Variants in LCP1 observed in about 807,000 individuals in gnomAD.
The protein encoded by LCP1 is plastin-2.
LCP1 carries 23 observed loss-of-function variants against 72.0 expected under a neutral mutation model. The observed-to-expected ratio is 0.32, with a 90% CI of 0.23 to 0.45. LCP1 has a LOEUF of 0.45. Among genes scored for constraint, LCP1 ranks in the 20% least tolerant of loss-of-function variants. The probability of loss-of-function intolerance (pLI) is 1.00; values close to 1 mark genes in which losing one functional copy is unlikely to be tolerated. For missense variants in LCP1, 571 were observed against 748.3 expected, an observed-to-expected ratio of 0.76 and a Z score of 2.76; for synonymous variants, 245 against 275.4, an observed-to-expected ratio of 0.89 and a Z score of 1.09.
rs572538529 is a variant in LCP1, at chr13:46,126,895, A to C, written c.*696T>G. 121 of 230,842 alleles carry C rather than the reference A, an allele frequency of 5.2e-4. 2 individuals are homozygous for C. Among genetic ancestry groups the C allele is most frequent in the Middle Eastern group, 3.9e-3 (3 of 774 alleles). 14.3% of individuals were successfully genotyped at this position (230,842 alleles called of 1,614,324 possible). A position where few individuals can be genotyped will look rare whatever the true frequency, so the allele number is the denominator to read the frequency against. On this transcript the variant is annotated 3_prime_UTR_variant, in exon 16 of 16. Coordinates refer to ENST00000323076, the MANE Select transcript of LCP1 (RefSeq NM_002298.5). ...AGGGGTTCTTAGTGGCTGAAAAAAA[A>C]CAAAACCTGATGACATTTGGGACTC... is the stretch of plus-strand genomic sequence containing the variant.
At chr13:46,146,643 T>C (rs2138240714) in intron 10 of LCP1, among the ~76,000 whole-genome samples, 1 of 152,344 alleles carries the variant, frequency 6.6e-6, no homozygotes, top group South Asian at 2.1e-4. Flanking sequence ...ATCTAATAAC[T>C]AAATGCATTA....
intron 13 of LCP1, among the ~76,000 whole-genome samples, chr13:46,140,344 A>G (rs1026569116): frequency 6.6e-6 from 1 of 152,228 alleles, no homozygotes; most frequent in African/African-American, 2.4e-5. Flanking sequence ...CTTGGGGCTC[A>G]CACAAGGCTG....
chr13:46,147,750 T>G (rs1347898675), intron 9 of LCP1, among the ~76,000 whole-genome samples: 3 of 152,220 alleles, frequency 2.0e-5, no homozygotes, highest in Admixed American at 2.0e-4. Context: ...AAGTGACTCT[T>G]AACCCTAAAA....
intron 4 of LCP1, among the ~76,000 whole-genome samples, chr13:46,156,877 A>G (rs2045804953): frequency 6.7e-6 from 1 of 148,542 alleles, no homozygotes; most frequent in South Asian, 2.1e-4. Flanking sequence ...GCTGGAGTGC[A>G]GTGGCGCGAT....
At chr13:46,136,249 A>G (rs1308400734) in intron 13 of LCP1, among the ~76,000 whole-genome samples, 2 of 152,076 alleles carry the variant, frequency 1.3e-5, no homozygotes, top group Non-Finnish European at 2.9e-5. Context: ...TGAATTCCTA[A>G]TCATTTGAAC....
At chr13:46,164,773 C>T (rs1374472825) in intron 1 of LCP1, among the ~76,000 whole-genome samples, 1 of 152,124 alleles carries the variant, frequency 6.6e-6, no homozygotes, top group Non-Finnish European at 1.5e-5. Flanking sequence ...ACAGAAGGAA[C>T]CTCATAAATA....
chr13:46,148,315 ATCATATTC>A, intron 9 of LCP1, 29 bp downstream of exon 9: 2 of 1,428,740 alleles, frequency 1.4e-6, no homozygotes, highest in Non-Finnish European at 2.0e-6. Flanking sequence ...TGAAAATAGC[ATCATATTC>A]TCCAAACACA....
At position 46,151,076 on chromosome 13, in the gene LCP1, G is replaced by T. The variant is rs1036756801; in HGVS notation, c.742C>A (p.Leu248Met). 20 of 1,604,822 alleles carry T rather than the reference G, an allele frequency of 1.2e-5. No individual in the cohort carries two copies. Among genetic ancestry groups the T allele is most frequent in the Non-Finnish European group, 1.5e-5 (18 of 1,177,678 alleles). Residue 248 changes from leucine to methionine, a missense_variant and splice_region_variant, in exon 8 of 16, where the codon CTG (leucine) becomes ATG (methionine). Transcript: ENST00000323076. ...ADIELSRNEA[L>M]IALLREGESL... The stretch of plus-strand genomic sequence containing the variant: ...TCACCTTCTCTCAAAAGAGCAATCA[G>T]AGCTGAAGAAGCACAAAAACCACAG...
At position 46,144,530 on chromosome 13, in the gene LCP1, T is replaced by C. The variant is rs780503563; in HGVS notation, c.1175-10A>G. ...TCTTCTCTCGTCTCACCTAGATGAA[T>C]GAAGATGGGTTATCTTTTGGGACCG... On this transcript the variant is annotated splice_polypyrimidine_tract_variant and intron_variant, in intron 10 of 15. Coordinates refer to ENST00000323076, the MANE Select transcript of LCP1 (RefSeq NM_002298.5). The C allele has an allele frequency of 3.2e-5, 52 of 1,602,834 alleles. No homozygotes were observed. In the South Asian group the frequency reaches 5.5e-4, roughly 17 times the overall value.
rs185548527 is a variant in LCP1 at position 46,151,375 on chromosome 13, G to T, written c.740-297C>A. ...GGGCAGAGCCATAAAAATAACCAAG[G>T]CTACTGGCTCGGATGTTTTGCTGGG... On this transcript the variant is annotated intron_variant, in intron 7 of 15. Coordinates refer to ENST00000323076, the MANE Select transcript of LCP1 (RefSeq NM_002298.5). Among the ~76,000 whole-genome samples, 4 of 152,288 alleles carry T rather than the reference G, an allele frequency of 2.6e-5. No homozygotes were observed. The East Asian group carries it at 7.7e-4, about 29-fold the overall frequency.
rs1369579465 is a variant in LCP1 at position 46,143,337 on chromosome 13, T to C, written c.1321A>G (p.Arg441Gly). ...EKIKVPVDWN[R>G]VNKPPYPKLG... is the part of the protein sequence containing the mutation. ...TTGGGGTATGGCGGTTTGTTTACTC[T>C]GTTCCAGTCAACAGGAACTTTGATC... The change falls in exon 12 of 16, where the codon AGA becomes GGA. Residue 441 changes from arginine to glycine, a missense_variant. Transcript: ENST00000323076. 1.2e-6 allele frequency: 2 copies of C among 1,614,088 alleles called. No homozygotes were observed. Among genetic ancestry groups the C allele is most frequent in the Non-Finnish European group, 1.7e-6 (2 of 1,179,938 alleles).
intron 7 of LCP1, among the ~76,000 whole-genome samples, chr13:46,151,556 C>T (rs2045764255): frequency 6.6e-6 from 1 of 152,220 alleles, no homozygotes; most frequent in African/African-American, 2.4e-5. Flanking sequence ...AATCAACTCT[C>T]CTCTACGTTT....
In LCP1 at chr13:46,152,863, C is replaced by T. The variant is rs2045777232; in HGVS notation, c.656G>A (p.Gly219Glu). Residue 219 changes from glycine (G) to glutamate (E), a missense_variant, in exon 7 of 16, where the codon GGG becomes GAG. Physicochemically the swap from Gly to Glu is moderately conservative, Grantham distance 98. Transcript: ENST00000323076. Reference sequence around the variant, plus strand: ...AAGTCCCAGGACCAGATAAGGCTTCCCCTCCTTCAGGTCCTCAGCCCCTAT... The same window carrying T: ...AAGTCCCAGGACCAGATAAGGCTTCTCCTCCTTCAGGTCCTCAGCCCCTAT... Reference protein sequence around the residue: ...VNIGAEDLKEGKPYLVLGLLW... With the variant: ...VNIGAEDLKEEKPYLVLGLLW... 1 of 1,614,124 alleles carries T rather than the reference C, an allele frequency of 6.2e-7. No homozygotes were observed. The highest frequency in any genetic ancestry group is 8.5e-7 in the Non-Finnish European group (1 of 1,180,010).
intron 1 of LCP1, among the ~76,000 whole-genome samples, chr13:46,170,798 A>T (rs559082290): frequency 1.3e-5 from 2 of 152,212 alleles, no homozygotes; most frequent in Non-Finnish European, 2.9e-5. Context: ...GAACACACAG[A>T]CGTGGCTTTG....
At chr13:46,142,825 T>C in intron 12 of LCP1, 4 of 459,510 alleles carry the variant, frequency 8.7e-6, no homozygotes, top group South Asian at 1.6e-5. Context: ...TGAACAGATA[T>C]TCCTGTAGCT....
chr13:46,139,723 C>G (rs1420715642), intron 13 of LCP1, among the ~76,000 whole-genome samples: 1 of 152,086 alleles, frequency 6.6e-6, no homozygotes, highest in Non-Finnish European at 1.5e-5. Flanking sequence ...GATTTTGTAC[C>G]AAAATTGTTT....
chr13:46,175,970 T>C (rs995680152), intron 1 of LCP1, among the ~76,000 whole-genome samples: 2 of 152,098 alleles, frequency 1.3e-5, no homozygotes, highest in Non-Finnish European at 2.9e-5. Flanking sequence ...GCCTTTCTGG[T>C]GAGGGTGATA....
intron 5 of LCP1, among the ~76,000 whole-genome samples, chr13:46,155,399 A>G (rs188868030): frequency 6.6e-6 from 1 of 152,340 alleles, no homozygotes; most frequent in East Asian, 1.9e-4. Flanking sequence ...CAGGGGTCTT[A>G]GAAGGTAAAA....
intron 3 of LCP1, 84 bp downstream of exon 3, chr13:46,158,742 G>A: frequency 6.2e-7 from 1 of 1,601,538 alleles, no homozygotes; most frequent in African/African-American, 1.3e-5. Context: ...AAGGAGGTAA[G>A]GAATGTCTTT....
Sources: gnomAD v4.1 joint callset for allele counts (sites outside exome capture counted in the v4.1 genomes callset) on GRCh38, gnomAD v4.1.1 for gene constraint, MANE v1.5 for transcripts, NCBI Gene and HGNC (gene_info 2026-07-23, HGNC 2026-07-21) for gene names.